The following WDFY2 variants were observed in gnomAD, a reference collection of about 807,000 sequenced individuals.
WDFY2 encodes the protein WD repeat and FYVE domain-containing protein 2.
WDFY2 carries 36 observed loss-of-function variants against 56.4 expected under a neutral mutation model. That is an observed-to-expected ratio of 0.64 (90% CI 0.49 to 0.84). The LOEUF (loss-of-function observed/expected upper bound fraction) is 0.84. Among genes scored for constraint, WDFY2 ranks in the 40% least tolerant of loss-of-function variants. The probability of loss-of-function intolerance (pLI) is 0.00; values close to 1 mark genes in which losing one functional copy is unlikely to be tolerated. For missense variants in WDFY2, 444 were observed against 512.2 expected (o/e 0.87, Z 1.29); for synonymous variants, 176 against 183.7 (o/e 0.96, Z 0.34).
At chr13:51,633,477 G>C (rs955587230) in intron 1 of WDFY2, among the ~76,000 whole-genome samples, 6 of 152,188 alleles carry the variant, frequency 3.9e-5, no homozygotes, top group Admixed American at 3.9e-4. Flanking sequence ...TAGGGTATCT[G>C]GATCTAAATA....
intron 1 of WDFY2, among the ~76,000 whole-genome samples, chr13:51,649,700 C>G (rs1269971661): frequency 6.6e-6 from 1 of 151,634 alleles, no homozygotes; most frequent in Non-Finnish European, 1.5e-5. Flanking sequence ...TTTGTCCTTG[C>G]AATAGTTTGC....
intron 2 of WDFY2, among the ~76,000 whole-genome samples, chr13:51,664,199 A>G (rs776281049): frequency 6.6e-6 from 1 of 152,188 alleles, no homozygotes; most frequent in African/African-American, 2.4e-5. Flanking sequence ...CAGACGCATC[A>G]TGGTCGAAAA....
chr13:51,675,217 A>G lies in WDFY2; in HGVS notation c.253A>G (p.Ile85Val), dbSNP rs556560318. ...TAACCCGGAAACAAGAAGACTGTCC[A>G]TAGGTCTAGACAATGGTACAATCTC... ...SFNPETRRLS[I>V]GLDNGTISEF... The change falls in exon 3 of 12, where the codon ATA becomes GTA. Residue 85 changes from isoleucine to valine, a missense_variant. Transcript: ENST00000298125. 3 of 1,613,894 alleles carry G rather than the reference A, an allele frequency of 1.9e-6. No homozygotes were observed. The highest frequency in any genetic ancestry group is 1.3e-5 in the African/African-American group (1 of 75,038).
At chr13:51,744,245 C>G (rs941429850) in intron 7 of WDFY2, among the ~76,000 whole-genome samples, 1 of 152,232 alleles carries the variant, frequency 6.6e-6, no homozygotes, top group Non-Finnish European at 1.5e-5. Context: ...ATAACCTAAA[C>G]TTTTCATCAA....
In WDFY2 at chr13:51,755,527, G is replaced by A; in HGVS notation, c.933+68G>A. The A allele has an allele frequency of 1.4e-6, 2 of 1,478,102 alleles. 1 individual carries two copies. Among genetic ancestry groups the A allele is most frequent in the African/African-American group, 2.8e-5 (2 of 72,208 alleles). The allele number at this position is 1,478,102 out of a possible 1,614,324, so 91.6% of individuals were successfully genotyped here. On this transcript the variant is annotated intron_variant, in intron 9 of 11. Coordinates refer to ENST00000298125, the MANE Select transcript of WDFY2 (RefSeq NM_052950.4). The stretch of plus-strand genomic sequence containing the variant: ...ATAGCTCAACCATGTGATCTTAGAA[G>A]AAATAACACCCCTGGGTGGGAGTTG...
In WDFY2 at chr13:51,756,451, C is replaced by G; in HGVS notation, c.1053C>G (p.Ile351Met). 1 of 1,613,864 alleles carries G rather than the reference C, an allele frequency of 6.2e-7. No homozygotes were observed. Among genetic ancestry groups the G allele is most frequent in the African/African-American group, 1.3e-5 (1 of 75,040 alleles). The change falls in exon 10 of 12, where the codon ATC becomes ATG. Residue 351 changes from isoleucine to methionine, a missense_variant. By Grantham distance (10) the Ile-to-Met change is conservative. Transcript: ENST00000298125. ...TCTGTGACAGCTGCCACGAGGCCAT[C>G]ACAGATGAAGAGTAAGTTCCTGCAG... is the stretch of plus-strand genomic sequence containing the variant. ...VRVCDSCHEA[I>M]TDEERAPTAT...
chr13:51,732,442 G>A (rs927108176), intron 6 of WDFY2, among the ~76,000 whole-genome samples: 2 of 152,152 alleles, frequency 1.3e-5, no homozygotes, highest in Admixed American at 6.5e-5. Flanking sequence ...TTGACCACTG[G>A]AAATTAATAG....
Position 51,584,712 on chromosome 13 carries a change from C to T in WDFY2, c.25C>T (p.Pro9Ser), listed in dbSNP as rs375424583. 18 of 1,613,238 alleles carry T rather than the reference C, an allele frequency of 1.1e-5. No homozygotes were observed. Among genetic ancestry groups the T allele is most frequent in the Non-Finnish European group, 1.4e-5 (17 of 1,179,722 alleles). The change falls in exon 1 of 12, where the codon CCT becomes TCT. Residue 9 changes from proline to serine, a missense_variant. By Grantham distance (74) the Pro-to-Ser change is moderately conservative. Coordinates refer to ENST00000298125, the MANE Select transcript of WDFY2 (RefSeq NM_052950.4). Reference protein sequence around the residue: MAAEIQPKPLTRKPILLQR... With the variant: MAAEIQPKSLTRKPILLQR... ...GATGGCGGCGGAGATCCAGCCCAAG[C>T]CTCTGACCCGCAAGCCGATCCTGCT...
At chr13:51,713,896 A>G (rs1263212910) in intron 4 of WDFY2, among the ~76,000 whole-genome samples, 1 of 151,462 alleles carries the variant, frequency 6.6e-6, no homozygotes, top group East Asian at 1.9e-4. Context: ...CCCCTTATAT[A>G]TGAGATACTT....
chr13:51,619,175 G>C (rs1400353597), intron 1 of WDFY2, among the ~76,000 whole-genome samples: 9 of 152,186 alleles, frequency 5.9e-5, no homozygotes. Context: ...ACTCGAGGCT[G>C]CATGTGGTGG....
rs74470948 is a variant in WDFY2, at chr13:51,688,958, G to A, written c.279+13715G>A. On this transcript the variant is annotated intron_variant, in intron 3 of 11. Coordinates refer to ENST00000298125, the MANE Select transcript of WDFY2 (RefSeq NM_052950.4). ...CAACACTCTTTCACTGAAGGGTGGC[G>A]GGGACACAAAATACTTTAGCTAGCA... 4.9e-3 allele frequency among the ~76,000 whole-genome samples: 753 copies of A among 152,226 alleles called. 5 individuals carry two copies. Among genetic ancestry groups the A allele is most frequent in the African/African-American group, 0.014 (590 of 41,524 alleles).
chr13:51,597,942 A>G (rs1010647733), intron 1 of WDFY2, among the ~76,000 whole-genome samples: 1 of 152,226 alleles, frequency 6.6e-6, no homozygotes, highest in African/African-American at 2.4e-5. Context: ...CCTCCCACTC[A>G]TGGGTTTTAA....
chr13:51,713,135 AT>A (rs1448457128), intron 4 of WDFY2, among the ~76,000 whole-genome samples: 1 of 152,202 alleles, frequency 6.6e-6, no homozygotes, highest in African/African-American at 2.4e-5. Context: ...TTAGATCAAC[AT>A]TACCTCTTGT....
intron 1 of WDFY2, among the ~76,000 whole-genome samples, chr13:51,632,139 A>T (rs1282429106): frequency 6.6e-6 from 1 of 152,080 alleles, no homozygotes; most frequent in Non-Finnish European, 1.5e-5. Flanking sequence ...TTTAACACTT[A>T]GTATGGTAGA....
At chr13:51,702,882 T>A (rs2408491) in intron 3 of WDFY2, among the ~76,000 whole-genome samples, 1 of 152,130 alleles carries the variant, frequency 6.6e-6, no homozygotes, top group African/African-American at 2.4e-5. Context: ...ACTCAAAACC[T>A]GGCTGGATCT....
intron 3 of WDFY2, among the ~76,000 whole-genome samples, chr13:51,688,361 T>C (rs912591348): frequency 6.6e-6 from 1 of 152,320 alleles, no homozygotes; most frequent in Non-Finnish European, 1.5e-5. Context: ...GTAGTTTTTT[T>C]CTTTGCTCAT....
Position 51,675,167 on chromosome 13 carries a change from C to T in WDFY2, c.206-3C>T. 1 of 1,613,710 alleles carries T rather than the reference C, an allele frequency of 6.2e-7. No homozygotes were observed. The highest frequency in any genetic ancestry group is 8.5e-7 in the Non-Finnish European group (1 of 1,179,708). ...ATTTCATCAACATGTTCATTTCTTT[C>T]AGCTCCATGTTCATGCATGTCTTTT... On this transcript the variant is annotated splice_region_variant and splice_polypyrimidine_tract_variant and intron_variant, in intron 2 of 11. Transcript: ENST00000298125.
intron 7 of WDFY2, among the ~76,000 whole-genome samples, chr13:51,739,585 G>C (rs919655651): frequency 1.3e-5 from 2 of 152,158 alleles, no homozygotes; most frequent in Non-Finnish European, 1.5e-5. Context: ...AAGAGGAGAG[G>C]TAAGATCCTT....
rs143691448 is a variant in WDFY2 at position 51,596,181 on chromosome 13, ATAAT to A, written c.137+11363_137+11366del. 1.9e-3 allele frequency among the ~76,000 whole-genome samples: 296 copies of A among 152,320 alleles called. 1 individual carries two copies. The highest frequency in any genetic ancestry group is 6.8e-3 in the Middle Eastern group (2 of 294). ...GGGATATTTTTGAATTTATATTTGA[ATAAT>A]TAATTCTCTTTACATGTCAGAGCTT... On this transcript the variant is annotated intron_variant, in intron 1 of 11. Coordinates refer to ENST00000298125, the MANE Select transcript of WDFY2 (RefSeq NM_052950.4).
Sources: allele counts gnomAD v4.1 joint callset (sites outside exome capture counted in the v4.1 genomes callset), GRCh38; gene constraint gnomAD v4.1.1; transcripts MANE v1.5; gene names NCBI Gene and HGNC (gene_info 2026-07-23, HGNC 2026-07-21).